The following TMEM132B variants were observed in gnomAD, a reference collection of about 807,000 sequenced individuals.
TMEM132B encodes the protein transmembrane protein 132B.
Under a neutral mutation model 90.8 loss-of-function variants are expected in TMEM132B, and 18 were observed. That is an observed-to-expected ratio of 0.20 (90% confidence interval 0.14 to 0.29). TMEM132B has a LOEUF of 0.29. Ranked by LOEUF, TMEM132B falls within the 10% of genes least tolerant of loss-of-function variation. The pLI is 1.00. For synonymous variants in TMEM132B, 504 were observed against 523.3 expected (o/e 0.96, Z 0.50); for missense variants, 1,096 against 1,326.8 (o/e 0.83, Z 2.70).
chr12:125,513,664 G>T lies in TMEM132B; in HGVS notation c.1107-5775G>T, dbSNP rs144092562. ...CTTATTCATTCAGCAAACACTTGTT[G>T]AGGATCTGCTTGGTTTCTACTCGCC... On this transcript the variant is annotated intron_variant, in intron 3 of 8. Coordinates refer to ENST00000682704, the MANE Select transcript of TMEM132B (RefSeq NM_001366854.1). Among the ~76,000 whole-genome samples the T allele has an allele frequency of 3.8e-3, 573 of 152,234 alleles. 5 individuals are homozygous for T. Among genetic ancestry groups the T allele is most frequent in the African/African-American group, 0.013 (554 of 41,520 alleles).
chr12:125,459,556 T>A lies in TMEM132B; in HGVS notation c.1106+43879T>A, dbSNP rs997884099. Among the ~76,000 whole-genome samples, 1 of 152,184 alleles carries A rather than the reference T, an allele frequency of 6.6e-6. No individual in the cohort carries two copies. Among genetic ancestry groups the A allele is most frequent in the African/African-American group, 2.4e-5 (1 of 41,444 alleles). ...AGTAGGGTGTGGTGGGGATGTCTAATGGGTACAAAAAATATAGTTACAAAG... is the reference window on the plus strand; with the variant it reads ...AGTAGGGTGTGGTGGGGATGTCTAAAGGGTACAAAAAATATAGTTACAAAG... On this transcript the variant is annotated intron_variant, in intron 3 of 8. Coordinates refer to ENST00000682704, the MANE Select transcript of TMEM132B (RefSeq NM_001366854.1). This position sits in a 1 kb window ranked among gnomAD's most constrained non-coding sequence, Gnocchi z 4.1.
chr12:125,341,063 G>A (rs1257582017), intron 1 of TMEM132B, among the ~76,000 whole-genome samples: 1 of 152,224 alleles, frequency 6.6e-6, no homozygotes, highest in Non-Finnish European at 1.5e-5. Context: ...GGGCAATTCA[G>A]AGCCACATAT....
intron 1 of TMEM132B, chr12:125,302,058 G>GGTGCA (rs1402184440): frequency 2.6e-5 from 4 of 152,124 alleles, no homozygotes; most frequent in African/African-American, 9.7e-5. Flanking sequence ...AAGTTAGTCA[G>GGTGCA]GTGCAGTGGC....
chr12:125,563,917 G>A (rs955881759), intron 4 of TMEM132B, among the ~76,000 whole-genome samples: 1 of 152,212 alleles, frequency 6.6e-6, no homozygotes, highest in Admixed American at 6.5e-5. Context: ...CCCTGGAGCC[G>A]TTGGAGGAAG....
intron 1 of TMEM132B, among the ~76,000 whole-genome samples, chr12:125,237,393 C>T (rs1179551186): frequency 6.6e-6 from 1 of 152,180 alleles, no homozygotes; most frequent in Non-Finnish European, 1.5e-5. Context: ...TCTCTCCTAC[C>T]ACCCTGTTCA....
At chr12:125,259,777 G>A (rs1008508636) in intron 1 of TMEM132B, among the ~76,000 whole-genome samples, 1 of 152,148 alleles carries the variant, frequency 6.6e-6, no homozygotes, top group Admixed American at 6.5e-5. Flanking sequence ...TTAATGCTGC[G>A]GTTAAGGTTT....
chr12:125,603,864 A>G, intron 5 of TMEM132B, among the ~76,000 whole-genome samples: 1 of 152,262 alleles, frequency 6.6e-6, no homozygotes, highest in East Asian at 1.9e-4. Context: ...ATCACTGATC[A>G]TTAGAGAAAT....
rs186683337 is a variant in TMEM132B, at chr12:125,612,860, A to G, written c.1437+28866A>G. 7.0e-5 allele frequency among the ~76,000 whole-genome samples: 8 copies of G among 114,490 alleles called. 1 individual carries two copies. The highest frequency in any genetic ancestry group is 5.6e-4 in the South Asian group (2 of 3,598). The allele number at this position is 114,490 out of a possible 152,430, so 75.1% of individuals were successfully genotyped here. On this transcript the variant is annotated intron_variant, in intron 5 of 8. Transcript: ENST00000682704. ...TATATTATATATATATTTATATATTATATAAAAATATATATGATATATATT... is the reference window on the plus strand; with the variant it reads ...TATATTATATATATATTTATATATTGTATAAAAATATATATGATATATATT...
At chr12:125,411,980 G>T (rs1879860076) in intron 2 of TMEM132B, among the ~76,000 whole-genome samples, 1 of 152,058 alleles carries the variant, frequency 6.6e-6, no homozygotes, top group South Asian at 2.1e-4. Context: ...ACCTGTTTAG[G>T]ACCAGCAAGC....
chr12:125,328,274 A>G (rs541507740), intron 1 of TMEM132B, among the ~76,000 whole-genome samples: 3 of 152,250 alleles, frequency 2.0e-5, no homozygotes, highest in African/African-American at 7.2e-5. Flanking sequence ...CCAGCCCAGC[A>G]CGGTGCCCTC....
Position 125,246,109 on chromosome 12 carries a change from C to T in TMEM132B, c.67+59243C>T, listed in dbSNP as rs1489921143. Among the ~76,000 whole-genome samples the T allele has an allele frequency of 6.6e-6, 1 of 152,352 alleles. No individual in the cohort carries two copies. Among genetic ancestry groups the T allele is most frequent in the Non-Finnish European group, 1.5e-5 (1 of 68,034 alleles). On this transcript the variant is annotated intron_variant, in intron 1 of 8. Coordinates refer to ENST00000682704, the MANE Select transcript of TMEM132B (RefSeq NM_001366854.1). The surrounding 1 kb of genome is among the most constrained non-coding windows in gnomAD (Gnocchi z 4.2). Reference sequence around the variant, plus strand: ...TGATCTGGGCCCTGGCAGTGACTGGCGCTGCCTCTCCAGTGATCCAGTGAT... The same window carrying T: ...TGATCTGGGCCCTGGCAGTGACTGGTGCTGCCTCTCCAGTGATCCAGTGAT...
At chr12:125,190,928 A>G (rs1212289698) in intron 1 of TMEM132B, among the ~76,000 whole-genome samples, 112 of 7,610 alleles carry the variant, frequency 0.015, 22 homozygotes, top group East Asian at 0.023. Flanking sequence ...AGGGGTGGTG[A>G]TGGTGACGGG....
chr12:125,203,288 C>T (rs1011284041), intron 1 of TMEM132B, among the ~76,000 whole-genome samples: 4 of 152,154 alleles, frequency 2.6e-5, no homozygotes, highest in Non-Finnish European at 5.9e-5. Context: ...CTATCGACTG[C>T]ACCTGGCTTA....
At position 125,459,104 on chromosome 12, in the gene TMEM132B, C is replaced by T. The variant is rs1002677297; in HGVS notation, c.1106+43427C>T. ...CCATCTTATGCCTGAGTGGAGCCAA[C>T]GAGGCCCCTGAGGCTCCCTGCTAAT... On this transcript the variant is annotated intron_variant, in intron 3 of 8. Transcript: ENST00000682704. This position sits in a 1 kb window ranked among gnomAD's most constrained non-coding sequence, Gnocchi z 4.1. Among the ~76,000 whole-genome samples the T allele has an allele frequency of 1.3e-5, 2 of 152,180 alleles. No homozygotes were observed. Among genetic ancestry groups the T allele is most frequent in the African/African-American group, 4.8e-5 (2 of 41,450 alleles).
chr12:125,428,294 G>A (rs1055899448), intron 3 of TMEM132B, among the ~76,000 whole-genome samples: 3 of 63,060 alleles, frequency 4.8e-5, no homozygotes, highest in African/African-American at 1.3e-4. Flanking sequence ...GCACCCAGCT[G>A]TAAATGACTC....
chr12:125,640,684 A>ACAGTGTTAGG (rs1886607170), intron 5 of TMEM132B, among the ~76,000 whole-genome samples: 2 of 96,056 alleles, frequency 2.1e-5, no homozygotes, highest in Non-Finnish European at 4.5e-5. Flanking sequence ...GTGCCGGCTC[A>ACAGTGTTAGG]CACACGCAAA....
At chr12:125,471,909 C>T (rs1593163119) in intron 3 of TMEM132B, among the ~76,000 whole-genome samples, 1 of 152,148 alleles carries the variant, frequency 6.6e-6, no homozygotes, top group Non-Finnish European at 1.5e-5. Flanking sequence ...TGGTCTGATT[C>T]CAGATCTTAT....
intron 3 of TMEM132B, among the ~76,000 whole-genome samples, chr12:125,511,850 T>TAAAAAAAAAAAAA (rs1188465342): frequency 1.1e-5 from 1 of 89,710 alleles, no homozygotes; most frequent in African/African-American, 6.0e-5. Flanking sequence ...AGACTCTATC[T>TAAAAAAAAAAAAA]CAAAAAAAAA....
At chr12:125,630,128 G>T (rs925292892) in intron 5 of TMEM132B, among the ~76,000 whole-genome samples, 1 of 152,038 alleles carries the variant, frequency 6.6e-6, no homozygotes, top group Admixed American at 6.6e-5. Context: ...CCTGGTTTTG[G>T]TATCAGGGAA....
Sources: allele counts gnomAD v4.1 joint callset (sites outside exome capture counted in the v4.1 genomes callset), GRCh38; gene constraint gnomAD v4.1.1; non-coding constraint Gnocchi (gnomAD v3.1); transcripts MANE v1.5; gene names NCBI Gene and HGNC (gene_info 2026-07-23, HGNC 2026-07-21).